The following ZMYM2 variants were observed in gnomAD, a reference collection of about 807,000 sequenced individuals.
ZMYM2 encodes the protein zinc finger MYM-type protein 2.
Under a neutral mutation model 162.8 loss-of-function variants are expected in ZMYM2, and 56 were observed. That is an observed-to-expected ratio of 0.34 (90% CI 0.28 to 0.43). ZMYM2 has a LOEUF of 0.43. Among genes scored for constraint, ZMYM2 ranks in the 20% least tolerant of loss-of-function variants. The pLI is 1.00. For synonymous variants in ZMYM2, 510 were observed against 541.6 expected, an observed-to-expected ratio of 0.94 and a Z score of 0.81; for missense variants, 1,275 against 1,621.8, an observed-to-expected ratio of 0.79 and a Z score of 3.67.
chr13:19,955,258 C>T (rs1954481739), upstream of ZMYM2, among the ~76,000 whole-genome samples: 2 of 151,836 alleles, frequency 1.3e-5, no homozygotes, highest in African/African-American at 4.8e-5. Context: ...TTCATTGAGT[C>T]AAGTATGAAT....
chr13:19,971,262 ATTTTT>A (rs67460005), intron 2 of ZMYM2, among the ~76,000 whole-genome samples: 12 of 78,318 alleles, frequency 1.5e-4, no homozygotes, highest in East Asian at 1.3e-3. Context: ...ATATATATAT[ATTTTT>A]TTTTTTTTTT....
the ZMYM2 span, among the ~76,000 whole-genome samples, chr13:19,886,610 G>T: frequency 9.3e-4 from 142 of 151,872 alleles, no homozygotes; most frequent in Non-Finnish European, 1.5e-3. Flanking sequence ...TGGACAATTT[G>T]TCTATAGAAT....
intron 6 of ZMYM2, among the ~76,000 whole-genome samples, chr13:20,016,467 C>T (rs1951637934): frequency 6.6e-6 from 1 of 152,040 alleles, no homozygotes; most frequent in Admixed American, 6.6e-5. Flanking sequence ...AAGATTGGGT[C>T]AAGTGTATTC....
At chr13:19,871,886 A>G in the ZMYM2 span, among the ~76,000 whole-genome samples, 4 of 152,208 alleles carry the variant, frequency 2.6e-5, no homozygotes, top group Non-Finnish European at 5.9e-5. Flanking sequence ...TTAATAATAA[A>G]AAATCGGAAA....
chr13:20,040,747 T>A (rs1954175937), intron 12 of ZMYM2, among the ~76,000 whole-genome samples: 2 of 152,190 alleles, frequency 1.3e-5, no homozygotes, highest in African/African-American at 4.8e-5. Context: ...TTTAGTGCTA[T>A]AAATTTCCCT....
intron 9 of ZMYM2, chr13:20,027,993 C>T (rs1952738167): frequency 5.6e-6 from 1 of 178,618 alleles, no homozygotes; most frequent in African/African-American, 2.4e-5. Context: ...AGGGTATTAC[C>T]CAAAGGTTCA....
At chr13:20,068,825 G>A (rs1015710616) in intron 21 of ZMYM2, among the ~76,000 whole-genome samples, 4 of 152,120 alleles carry the variant, frequency 2.6e-5, no homozygotes, top group Admixed American at 6.6e-5. Context: ...CAACTCAGCA[G>A]GAAGAGAGTT....
chr13:20,071,611 G>A (rs1224589507), intron 21 of ZMYM2, among the ~76,000 whole-genome samples: 1 of 152,216 alleles, frequency 6.6e-6, no homozygotes, highest in African/African-American at 2.4e-5. Context: ...GCCAGTCCAG[G>A]GCACTCTCTC....
chr13:20,063,145 A>T (rs931449206), intron 18 of ZMYM2, among the ~76,000 whole-genome samples, 174 bp downstream of exon 18: 10 of 151,654 alleles, frequency 6.6e-5, no homozygotes, highest in Admixed American at 3.3e-4. Context: ...GTTTTTTTTT[A>T]AAAACCCACC....
the ZMYM2 span, among the ~76,000 whole-genome samples, chr13:19,909,420 C>T: frequency 7.1e-6 from 1 of 141,110 alleles, no homozygotes; most frequent in Non-Finnish European, 1.5e-5. Flanking sequence ...TCTTCTTTCT[C>T]TGCCTTTTTC....
At chr13:20,040,552 C>T (rs1954156119) in intron 12 of ZMYM2, among the ~76,000 whole-genome samples, 1 of 151,790 alleles carries the variant, frequency 6.6e-6, no homozygotes, top group Non-Finnish European at 1.5e-5. Flanking sequence ...AATAAAAAAA[C>T]ACTCCTGGAT....
In ZMYM2 at chr13:20,027,354, TAA is replaced by T. The variant is rs760940530; in HGVS notation, c.1851+39_1851+40del. ...TATTTTGCATAACCCATGCCCCCAA[TAA>T]AATACACATAGAAAATAATCAGTGT... On this transcript the variant is annotated intron_variant, in intron 9 of 24. Transcript: ENST00000610343. The T allele has an allele frequency of 1.4e-5, 20 of 1,422,882 alleles. No individual in the cohort carries two copies. In the African/African-American group the frequency reaches 2.3e-4, roughly 16 times the overall value. The allele number at this position is 1,422,882 out of a possible 1,614,324, so 88.1% of individuals were successfully genotyped here.
chr13:19,950,937 C>T, the ZMYM2 span, among the ~76,000 whole-genome samples: 1 of 152,220 alleles, frequency 6.6e-6, no homozygotes, highest in Admixed American at 6.5e-5. Flanking sequence ...CAGGAGGTGG[C>T]ATGTAGCCCA....
At chr13:19,994,040 A>T in intron 3 of ZMYM2, 121 bp downstream of exon 3, 1 of 1,161,388 alleles carries the variant, frequency 8.6e-7, no homozygotes, top group Non-Finnish European at 1.2e-6. Context: ...TGTGAATTAT[A>T]TTGAATTTTA....
chr13:19,920,683 T>C, the ZMYM2 span, among the ~76,000 whole-genome samples: 2 of 151,866 alleles, frequency 1.3e-5, no homozygotes, highest in East Asian at 3.9e-4. Flanking sequence ...AGGAAGGGGC[T>C]GAGGAGGGGA....
At chr13:19,983,487 A>G (rs1409829304) in intron 2 of ZMYM2, among the ~76,000 whole-genome samples, 1 of 151,970 alleles carries the variant, frequency 6.6e-6, no homozygotes, top group Non-Finnish European at 1.5e-5. Context: ...GTGTAATCAC[A>G]TTGGCTGTTA....
At chr13:19,928,305 C>A in the ZMYM2 span, among the ~76,000 whole-genome samples, 1 of 152,064 alleles carries the variant, frequency 6.6e-6, no homozygotes, top group African/African-American at 2.4e-5. Flanking sequence ...ACCTGACCTG[C>A]CTTTTTTTTA....
the ZMYM2 span, among the ~76,000 whole-genome samples, chr13:19,877,042 C>G: frequency 1.5e-4 from 23 of 152,076 alleles, no homozygotes; most frequent in East Asian, 4.5e-3. Context: ...GAAACCCCGT[C>G]TCTACTAAAA....
the ZMYM2 span, among the ~76,000 whole-genome samples, chr13:19,866,886 C>A: frequency 1.3e-5 from 2 of 151,372 alleles, no homozygotes; most frequent in African/African-American, 4.9e-5. Context: ...CAGAGTGAGA[C>A]CCTGTCTCAA....
Sources: allele counts gnomAD v4.1 joint callset (sites outside exome capture counted in the v4.1 genomes callset), GRCh38; gene constraint gnomAD v4.1.1; transcripts MANE v1.5; gene names NCBI Gene and HGNC (gene_info 2026-07-23, HGNC 2026-07-21).